CFAP58: variants seen among roughly 807,000 people sequenced by gnomAD.
CFAP58 encodes cilia and flagella associated protein 58.
In CFAP58, 88 loss-of-function variants were observed where a neutral mutation model predicts 119.5. The observed-to-expected ratio is 0.74, with a 90% CI of 0.62 to 0.88. The LOEUF (loss-of-function observed/expected upper bound fraction) is 0.88. CFAP58 is among the 40% of genes least tolerant of loss of function. The probability of loss-of-function intolerance (pLI) is 0.00; values close to 1 mark genes in which losing one functional copy is unlikely to be tolerated. For missense variants in CFAP58, 990 were observed against 1,021.2 expected (o/e 0.97, Z 0.42); for synonymous variants, 365 against 366.3 (o/e 1.00, Z 0.04).
intron 6 of CFAP58, 102 bp from the exon 7 acceptor site, chr10:104,370,793 C>A: frequency 1.9e-6 from 2 of 1,069,226 alleles, no homozygotes; most frequent in Non-Finnish European, 2.6e-6. Flanking sequence ...CTTTAAAATG[C>A]CATGGGAAGA....
At chr10:104,360,165 T>C (rs1404690742) in intron 2 of CFAP58, among the ~76,000 whole-genome samples, 1 of 152,232 alleles carries the variant, frequency 6.6e-6, no homozygotes, top group Non-Finnish European at 1.5e-5. Context: ...TAGGTTCTTA[T>C]CTGTATAAAG....
intron 1 of CFAP58, among the ~76,000 whole-genome samples, chr10:104,357,916 TATATGTACACATATAC>T (rs1564875922): frequency 0.016 from 1,833 of 114,622 alleles, 86 homozygotes; most frequent in African/African-American, 0.069. Context: ...TATACACACA[TATATGTACACATATAC>T]ACACATATAT....
rs1417359309 is a variant in CFAP58, at chr10:104,447,177, T to TC, written c.2257-519dup. Among the ~76,000 whole-genome samples, 52 of 138,190 alleles carry TC rather than the reference T, an allele frequency of 3.8e-4. No homozygotes were observed. The East Asian group carries it at 9.3e-3, about 25-fold the overall frequency. The allele number at this position is 138,190 out of a possible 152,430, so 90.7% of individuals were successfully genotyped here. A position where few individuals can be genotyped will look rare whatever the true frequency, so the allele number is the denominator to read the frequency against. On this transcript the variant is annotated intron_variant, in intron 15 of 17. Transcript: ENST00000369704. ...GCTAATTTTTGTATTTTTCTTTTTT[T>TC]CCTCTCTCTTTTTTTTTTTAAATAG...
intron 12 of CFAP58, 110 bp downstream of exon 12, chr10:104,399,610 A>G: frequency 8.7e-7 from 1 of 1,147,960 alleles, no homozygotes; most frequent in East Asian, 2.6e-5. Flanking sequence ...GCCCTATTGG[A>G]AGAACAGCAG....
Position 104,368,453 on chromosome 10 carries a change from G to T in CFAP58, c.823G>T (p.Glu275Ter). The T allele has an allele frequency of 1.9e-6, 3 of 1,613,854 alleles. No homozygotes were observed. Among genetic ancestry groups the T allele is most frequent in the Non-Finnish European group, 2.5e-6 (3 of 1,179,864 alleles). Residue 275 changes from glutamate to a stop codon, truncating the protein, a stop_gained, in exon 6 of 18, where the codon GAG becomes TAG. Coordinates refer to ENST00000369704, the MANE Select transcript of CFAP58 (RefSeq NM_001008723.2). LOFTEE classifies it high-confidence loss of function. Reference protein sequence around the residue: ...ILNERAAKELEQFQMRNAKLQ... With the variant: ...ILNERAAKEL ...GAATGAGAGAGCTGCAAAGGAACTC[G>T]AGCAATTTCAGATGAGAAATGCTAA...
intron 15 of CFAP58, among the ~76,000 whole-genome samples, chr10:104,414,661 A>T (rs186649562): frequency 1.7e-4 from 26 of 151,500 alleles, no homozygotes; most frequent in African/African-American, 5.8e-4. Context: ...CTCTTAATTT[A>T]ATTTTTATTT....
At chr10:104,368,622 C>T (rs2014782826) in intron 6 of CFAP58, 62 bp downstream of exon 6, 1 of 1,575,778 alleles carries the variant, frequency 6.3e-7, no homozygotes, top group Non-Finnish European at 8.7e-7. Flanking sequence ...TTTGCCTTGG[C>T]AATTGGAGCC....
At chr10:104,405,682 T>G (rs2012346605) in intron 14 of CFAP58, among the ~76,000 whole-genome samples, 1 of 152,372 alleles carries the variant, frequency 6.6e-6, no homozygotes. Flanking sequence ...GGTAGTGTTC[T>G]GCTGCCAATA....
At position 104,454,537 on chromosome 10, in the gene CFAP58, G is replaced by A. The variant is rs777128773; in HGVS notation, c.*7G>A. ...AACCAAAATGACGTTCTAACCTGAAGCTGCTGGCTGTTTCCAGTTGAACAA... is the reference window on the plus strand; with the variant it reads ...AACCAAAATGACGTTCTAACCTGAAACTGCTGGCTGTTTCCAGTTGAACAA... On this transcript the variant is annotated 3_prime_UTR_variant, in exon 18 of 18. Transcript: ENST00000369704. 38 of 1,599,866 alleles carry A rather than the reference G, an allele frequency of 2.4e-5. No individual in the cohort carries two copies. Among genetic ancestry groups the A allele is most frequent in the East Asian group, 2.2e-5 (1 of 44,818 alleles).
intron 6 of CFAP58, among the ~76,000 whole-genome samples, chr10:104,370,265 A>G (rs963902020): frequency 2.0e-5 from 3 of 152,222 alleles, no homozygotes; most frequent in Admixed American, 6.5e-5. Context: ...ATTTGATTCT[A>G]CAGTTAGATG....
chr10:104,451,156 C>T (rs912444638), intron 17 of CFAP58, among the ~76,000 whole-genome samples: 2 of 152,176 alleles, frequency 1.3e-5, no homozygotes, highest in Admixed American at 6.5e-5. Flanking sequence ...TGTAGTGACT[C>T]ACGTTATGGG....
chr10:104,350,860 C>G (rs1843239730), upstream of CFAP58, among the ~76,000 whole-genome samples: 1 of 152,198 alleles, frequency 6.6e-6, no homozygotes, highest in Non-Finnish European at 1.5e-5. Flanking sequence ...AAATTGTTTA[C>G]TGGATTGAAC....
chr10:104,417,560 C>G (rs556255644), intron 15 of CFAP58, among the ~76,000 whole-genome samples: 2 of 152,250 alleles, frequency 1.3e-5, no homozygotes, highest in African/African-American at 4.8e-5. Context: ...GTATGAAAGT[C>G]TAGAGTGTTT....
chr10:104,365,188 G>T (rs2014725687), intron 4 of CFAP58, among the ~76,000 whole-genome samples: 1 of 152,090 alleles, frequency 6.6e-6, no homozygotes, highest in African/African-American at 2.4e-5. Context: ...CCCAACATCT[G>T]GGGGTGGTGG....
intron 13 of CFAP58, among the ~76,000 whole-genome samples, chr10:104,403,146 A>C (rs956069206): frequency 1.3e-5 from 2 of 152,130 alleles, no homozygotes; most frequent in South Asian, 4.1e-4. Context: ...CCAGGTGGAG[A>C]TAATTGAACC....
At chr10:104,442,783 AC>A (rs1380993097) in intron 15 of CFAP58, among the ~76,000 whole-genome samples, 1 of 152,184 alleles carries the variant, frequency 6.6e-6, no homozygotes, top group Non-Finnish European at 1.5e-5. Context: ...GCAAAGTTGT[AC>A]CTCAAGTGAT....
At chr10:104,351,808 G>C (rs1286969403), upstream of CFAP58, 1 of 152,006 alleles carries the variant, frequency 6.6e-6, no homozygotes, top group East Asian at 1.9e-4. Context: ...AAAAAATATA[G>C]GGAAAAAAAG....
chr10:104,448,868 GT>G (rs2013150716), intron 16 of CFAP58, among the ~76,000 whole-genome samples: 1 of 152,110 alleles, frequency 6.6e-6, no homozygotes, highest in Admixed American at 6.5e-5. Flanking sequence ...TTATTTTCTT[GT>G]TTTCTCAGAG....
At chr10:104,341,816 G>A in the CFAP58 span, among the ~76,000 whole-genome samples, 1 of 152,052 alleles carries the variant, frequency 6.6e-6, no homozygotes, top group African/African-American at 2.4e-5. Flanking sequence ...ATTTGGCATC[G>A]ACATATAAAC....
Sources: gnomAD v4.1 joint callset for allele counts (sites outside exome capture counted in the v4.1 genomes callset) on GRCh38, gnomAD v4.1.1 for gene constraint, MANE v1.5 for transcripts, NCBI Gene and HGNC (gene_info 2026-07-23, HGNC 2026-07-21) for gene names.